The following CLEC17A variants were observed in gnomAD, a reference collection of about 807,000 sequenced individuals.
The protein encoded by CLEC17A is C-type lectin domain containing 17A.
In CLEC17A, 37 loss-of-function variants were observed where a neutral mutation model predicts 61.3. The observed-to-expected ratio is 0.60, with a 90% CI of 0.46 to 0.79. The LOEUF (loss-of-function observed/expected upper bound fraction) is 0.79, where lower values mean the gene tolerates loss of function less well. Ranked by LOEUF, CLEC17A falls within the 30% of genes least tolerant of loss-of-function variation. CLEC17A has a pLI of 0.00. For synonymous variants in CLEC17A, 168 were observed against 164.9 expected (o/e 1.02, Z -0.14); for missense variants, 418 against 464.7 (o/e 0.90, Z 0.92).
rs750380113 is a variant in CLEC17A at position 14,610,110 on chromosome 19, G to A, written c.1051G>A (p.Ala351Thr). ...CAATAACATCCACGATGAGGACTGT[G>A]CTACCATGAACAAAGGTGGCACCTG... ...EPNNIHDEDC[A>T]TMNKGGTWND... Residue 351 changes from alanine to threonine, a missense_variant, in exon 14 of 14, where the codon GCT (alanine) becomes ACT (threonine). Coordinates refer to ENST00000417570, the MANE Select transcript of CLEC17A (RefSeq NM_001204118.2). 1 of 1,612,536 alleles carries A rather than the reference G, an allele frequency of 6.2e-7. No individual in the cohort carries two copies. Among genetic ancestry groups the A allele is most frequent in the Non-Finnish European group, 8.5e-7 (1 of 1,179,310 alleles).
chr19:14,586,899 T>G (rs1006573383), intron 2 of CLEC17A, among the ~76,000 whole-genome samples: 9 of 150,380 alleles, frequency 6.0e-5, no homozygotes, highest in African/African-American at 2.2e-4. Flanking sequence ...TTCTTTTTTT[T>G]TTTTTTTGAG....
At chr19:14,601,816 G>A (rs933324527) in intron 12 of CLEC17A, among the ~76,000 whole-genome samples, 4 of 151,942 alleles carry the variant, frequency 2.6e-5, no homozygotes, top group African/African-American at 9.7e-5. Context: ...TTTTTGAGAT[G>A]GAGTCTCGCT....
intron 12 of CLEC17A, among the ~76,000 whole-genome samples, chr19:14,605,382 C>CACCGAGACCCCTA: frequency 6.6e-6 from 1 of 151,900 alleles, no homozygotes; most frequent in East Asian, 1.9e-4. Flanking sequence ...AGGCATGAGC[C>CACCGAGACCCCTA]ACCGCGCCCG....
rs2075029618 is a variant in CLEC17A at position 14,611,047 on chromosome 19, A to G, written c.*851A>G. On this transcript the variant is annotated 3_prime_UTR_variant, in exon 14 of 14. Transcript: ENST00000417570. ...AAAGCTTTGAAAGTGGTGACAGAAA[A>G]ATTTCCCTTTGAGCTAGACCTCTAG... is the stretch of plus-strand genomic sequence containing the variant. 1 of 151,402 alleles carries G rather than the reference A, an allele frequency of 6.6e-6. No individual in the cohort carries two copies. Among genetic ancestry groups the G allele is most frequent in the African/African-American group, 2.4e-5 (1 of 41,140 alleles). The allele number at this position is 151,402 out of a possible 1,614,324, so 9.4% of individuals were successfully genotyped here. A position where few individuals can be genotyped will look rare whatever the true frequency, so the allele number is the denominator to read the frequency against.
Position 14,597,124 on chromosome 19 carries a change from A to G in CLEC17A, c.609A>G (p.Arg203=). 6.2e-7 allele frequency: 1 copy of G among 1,613,100 alleles called. No individual in the cohort carries two copies. Among genetic ancestry groups the G allele is most frequent in the Non-Finnish European group, 8.5e-7 (1 of 1,179,578 alleles). ...ACCAGGAGTTGATGGAAGAACTGAGAATGTTAAGCTTTCAGCAGATGACGT... is the reference window on the plus strand; with the variant it reads ...ACCAGGAGTTGATGGAAGAACTGAGGATGTTAAGCTTTCAGCAGATGACGT... ...IKYQELMEEL[R]MLSFQQMTWR... The change falls in exon 10 of 14, where the codon AGA becomes AGG. Residue 203 remains arginine, a synonymous_variant. Coordinates refer to ENST00000417570, the MANE Select transcript of CLEC17A (RefSeq NM_001204118.2).
intron 13 of CLEC17A, among the ~76,000 whole-genome samples, chr19:14,607,879 T>C (rs973539767): frequency 1.3e-5 from 2 of 151,328 alleles, no homozygotes; most frequent in Admixed American, 6.6e-5. Context: ...CCCAACCTTA[T>C]TTTAGTTTTT....
chr19:14,586,039 T>G (rs926944499), intron 2 of CLEC17A, among the ~76,000 whole-genome samples: 11 of 152,070 alleles, frequency 7.2e-5, no homozygotes, highest in Non-Finnish European at 1.5e-4. Context: ...TTTTATCCTA[T>G]CCCATTGCTC....
At chr19:14,590,386 CTTTTTTT>C (rs562645944) in intron 3 of CLEC17A, among the ~76,000 whole-genome samples, 1 of 142,930 alleles carries the variant, frequency 7.0e-6, no homozygotes. Context: ...AATTTCTTTA[CTTTTTTT>C]TTTTTTTTTC....
intron 12 of CLEC17A, among the ~76,000 whole-genome samples, chr19:14,606,239 A>G (rs368923847): frequency 3.7e-4 from 56 of 152,212 alleles, no homozygotes; most frequent in African/African-American, 1.3e-3. Flanking sequence ...AGACGTCCAC[A>G]GTATGAGGCT....
intron 13 of CLEC17A, among the ~76,000 whole-genome samples, chr19:14,609,769 C>T (rs1327114306): frequency 6.6e-6 from 1 of 151,910 alleles, no homozygotes; most frequent in African/African-American, 2.4e-5. Flanking sequence ...ACCCAGGAGA[C>T]AGAGGTTGCA....
intron 3 of CLEC17A, among the ~76,000 whole-genome samples, chr19:14,588,055 G>A (rs2074327673): frequency 6.6e-6 from 1 of 152,082 alleles, no homozygotes; most frequent in Non-Finnish European, 1.5e-5. Flanking sequence ...ACAAAAGCTG[G>A]TGCTTGAGAA....
chr19:14,605,102 A>AT (rs74181898), intron 12 of CLEC17A, among the ~76,000 whole-genome samples: 14,963 of 146,572 alleles, frequency 0.1, 996 homozygotes, highest in African/African-American at 0.19. Context: ...ACCTCCCCAC[A>AT]TTTTTTTTTT....
In CLEC17A at chr19:14,594,554, G is replaced by A. The variant is rs2074497525; in HGVS notation, c.310+5G>A. On this transcript the variant is annotated splice_donor_5th_base_variant and intron_variant, in intron 5 of 13. Transcript: ENST00000417570. ...CACCAAGACCTCCAAGGGCAGGTGA[G>A]TTGGGGCTGGGGGTGTAGGAGACCC... 6.2e-7 allele frequency: 1 copy of A among 1,610,260 alleles called. No individual in the cohort carries two copies. The highest frequency in any genetic ancestry group is 1.1e-5 in the South Asian group (1 of 90,478).
Position 14,600,483 on chromosome 19 carries a change from G to T in CLEC17A, c.894+301G>T, listed in dbSNP as rs78665732. Among the ~76,000 whole-genome samples, 821 of 152,148 alleles carry T rather than the reference G, an allele frequency of 5.4e-3. 12 individuals are homozygous for T. The highest frequency in any genetic ancestry group is 0.019 in the African/African-American group (772 of 41,510). ...TTAGGTAGCACTTTTTATGTTTCAG[G>T]TTGCATTCCAAATACTTTACATCTT... On this transcript the variant is annotated intron_variant, in intron 12 of 13. Transcript: ENST00000417570.
In CLEC17A at chr19:14,599,808, A is replaced by G. The variant is rs760331798; in HGVS notation, c.738A>G (p.Leu246=). Residue 246 remains leucine, a synonymous_variant, in exon 11 of 14, where the codon TTA becomes TTG. Coordinates refer to ENST00000417570, the MANE Select transcript of CLEC17A (RefSeq NM_001204118.2). ...TNQSLVELWG[L]LDCRRITCPE... ...AGTCCCTGGTGGAACTTTGGGGCTT[A>G]TTAGGTAAGTGAGACTTGGGGAATT... 1 of 1,612,864 alleles carries G rather than the reference A, an allele frequency of 6.2e-7. No homozygotes were observed. Among genetic ancestry groups the G allele is most frequent in the South Asian group, 1.1e-5 (1 of 90,914 alleles).
upstream of CLEC17A, among the ~76,000 whole-genome samples, chr19:14,581,699 C>G (rs2074184310): frequency 6.6e-6 from 1 of 152,000 alleles, no homozygotes; most frequent in Non-Finnish European, 1.5e-5. Context: ...GTTGCCCAGG[C>G]AGGAGTGCAA....
chr19:14,595,740 A>G (rs62125094), intron 8 of CLEC17A, among the ~76,000 whole-genome samples: 13 of 80,154 alleles, frequency 1.6e-4, no homozygotes, highest in East Asian at 1.1e-3. Context: ...GATGGTGGAG[A>G]TAGTGATGGT....
At position 14,597,248 on chromosome 19, in the gene CLEC17A, C is replaced by G. The variant is rs2074573503; in HGVS notation, c.646+87C>G. On this transcript the variant is annotated intron_variant, in intron 10 of 13. Coordinates refer to ENST00000417570, the MANE Select transcript of CLEC17A (RefSeq NM_001204118.2). ...CCAACTCCAAGATCCAACCTCATCC[C>G]CATCTTTGCTGGGCACTGTGCTAGG... 9 of 1,243,822 alleles carry G rather than the reference C, an allele frequency of 7.2e-6. No homozygotes were observed. In the East Asian group the frequency reaches 2.3e-4, roughly 31 times the overall value. The allele number at this position is 1,243,822 out of a possible 1,614,324, so 77.0% of individuals were successfully genotyped here. A position where few individuals can be genotyped will look rare whatever the true frequency, so the allele number is the denominator to read the frequency against.
At chr19:14,588,129 A>G (rs891108266) in intron 3 of CLEC17A, among the ~76,000 whole-genome samples, 3 of 152,040 alleles carry the variant, frequency 2.0e-5, no homozygotes, top group African/African-American at 7.3e-5. Flanking sequence ...GGTTTTATTT[A>G]GACTTGGATC....
Sources: gnomAD v4.1 joint callset for allele counts (sites outside exome capture counted in the v4.1 genomes callset) on GRCh38, gnomAD v4.1.1 for gene constraint, MANE v1.5 for transcripts, NCBI Gene and HGNC (gene_info 2026-07-23, HGNC 2026-07-21) for gene names.